VMP1: variants seen among roughly 807,000 people sequenced by gnomAD.
The protein encoded by VMP1 is vacuole membrane protein 1.
A neutral mutation model predicts 56.0 loss-of-function variants in VMP1; 11 were observed. The observed-to-expected ratio is 0.20, with a 90% confidence interval of 0.12 to 0.32. The LOEUF (loss-of-function observed/expected upper bound fraction) is 0.32, where lower values mean the gene tolerates loss of function less well. Among genes scored for constraint, VMP1 ranks in the 10% least tolerant of loss-of-function variants. VMP1 has a pLI of 1.00. For synonymous variants in VMP1, 149 were observed against 165.0 expected (o/e 0.90, Z 0.74); for missense variants, 296 against 490.3 (o/e 0.60, Z 3.74).
intron 4 of VMP1, 70 bp from the exon 5 acceptor site, chr17:59,738,767 G>T: frequency 2.7e-6 from 3 of 1,112,472 alleles, no homozygotes; most frequent in South Asian, 2.7e-5. Flanking sequence ...ATTTAATTTT[G>T]ATGATGGTTT....
At chr17:59,795,753 C>T (rs910387163) in intron 7 of VMP1, among the ~76,000 whole-genome samples, 1 of 152,080 alleles carries the variant, frequency 6.6e-6, no homozygotes, top group Admixed American at 6.6e-5. Context: ...ATCATAAGGT[C>T]TGATTGAGTA....
chr17:59,806,188 G>A (rs2037836648), intron 7 of VMP1, among the ~76,000 whole-genome samples: 1 of 152,022 alleles, frequency 6.6e-6, no homozygotes, highest in East Asian at 1.9e-4. Context: ...TTTTGCAGAA[G>A]GATAGGATTA....
intron 7 of VMP1, among the ~76,000 whole-genome samples, chr17:59,797,750 G>C (rs1757373324): frequency 6.6e-6 from 1 of 152,092 alleles, no homozygotes; most frequent in African/African-American, 2.4e-5. Flanking sequence ...GTGGTGGCAT[G>C]GGCCTGTAGT....
chr17:59,734,902 C>CTTTTTT (rs35072996), intron 2 of VMP1, among the ~76,000 whole-genome samples: 20 of 72,290 alleles, frequency 2.8e-4, no homozygotes, highest in Non-Finnish European at 3.2e-4. Flanking sequence ...GACTGGTTGC[C>CTTTTTT]TTTTTTTTTT....
At chr17:59,837,323 T>C (rs2039014503) in intron 10 of VMP1, among the ~76,000 whole-genome samples, 1 of 152,156 alleles carries the variant, frequency 6.6e-6, no homozygotes, top group Non-Finnish European at 1.5e-5. Flanking sequence ...AGTTTGAACT[T>C]ATTTACCTCC....
intron 2 of VMP1, among the ~76,000 whole-genome samples, chr17:59,733,550 A>T (rs2034912423): frequency 6.6e-6 from 1 of 151,868 alleles, no homozygotes; most frequent in Non-Finnish European, 1.5e-5. Context: ...ATACAAAAAA[A>T]AACTAGCCGG....
chr17:59,712,460 A>C (rs1328664234), intron 1 of VMP1, among the ~76,000 whole-genome samples: 2 of 152,206 alleles, frequency 1.3e-5, no homozygotes, highest in East Asian at 3.8e-4. Flanking sequence ...GATGTCTTTT[A>C]GCACTTTCTT....
intron 10 of VMP1, among the ~76,000 whole-genome samples, chr17:59,825,911 C>T (rs1276282770): frequency 2.0e-5 from 3 of 152,182 alleles, no homozygotes; most frequent in African/African-American, 4.8e-5. Context: ...GAATGAGCTA[C>T]GTGGGCCTGG....
At chr17:59,834,536 T>A (rs2038918476) in intron 10 of VMP1, among the ~76,000 whole-genome samples, 1 of 151,770 alleles carries the variant, frequency 6.6e-6, no homozygotes, top group Non-Finnish European at 1.5e-5. Context: ...CTAGGCTCAC[T>A]GCAACCACCA....
At chr17:59,833,709 ATC>A (rs1273051696) in intron 10 of VMP1, among the ~76,000 whole-genome samples, 2 of 152,316 alleles carry the variant, frequency 1.3e-5, no homozygotes, top group South Asian at 4.1e-4. Flanking sequence ...GCTAAAGTGT[ATC>A]TCTTTTTAAA....
chr17:59,713,263 A>AG (rs1178557917), intron 1 of VMP1, among the ~76,000 whole-genome samples: 1 of 147,602 alleles, frequency 6.8e-6, no homozygotes, highest in African/African-American at 2.5e-5. Flanking sequence ...GGTTGGGGGA[A>AG]GGAGGGAGGG....
intron 7 of VMP1, among the ~76,000 whole-genome samples, chr17:59,799,482 G>A (rs1314369647): frequency 6.6e-6 from 1 of 152,012 alleles, no homozygotes; most frequent in African/African-American, 2.4e-5. Context: ...TTTGCATTTT[G>A]TTATCCAACA....
chr17:59,813,964 T>C (rs1453297661), intron 9 of VMP1, among the ~76,000 whole-genome samples: 2 of 122,270 alleles, frequency 1.6e-5, no homozygotes, highest in Non-Finnish European at 3.4e-5. Flanking sequence ...TCAGATTTTT[T>C]CAATTTATGA....
chr17:59,821,864 A>T (rs571146777), intron 10 of VMP1, among the ~76,000 whole-genome samples: 1 of 142,312 alleles, frequency 7.0e-6, no homozygotes, highest in African/African-American at 2.6e-5. Flanking sequence ...TTTTTTTGAG[A>T]TGGAGTTTTG....
intron 5 of VMP1, among the ~76,000 whole-genome samples, chr17:59,745,902 G>A (rs1157283535): frequency 6.6e-6 from 1 of 152,138 alleles, no homozygotes; most frequent in African/African-American, 2.4e-5. Context: ...TCTCTTTACT[G>A]GAAATCGTAG....
intron 1 of VMP1, among the ~76,000 whole-genome samples, chr17:59,724,634 T>A (rs1213823098): frequency 3.9e-5 from 6 of 151,908 alleles, no homozygotes; most frequent in African/African-American, 1.5e-4. Flanking sequence ...ATTGTGCTAT[T>A]GCACGCCAGC....
At chr17:59,736,458 C>T (rs760768124) in intron 3 of VMP1, among the ~76,000 whole-genome samples, 1 of 148,892 alleles carries the variant, frequency 6.7e-6, no homozygotes, top group Non-Finnish European at 1.5e-5. Context: ...CCCAGCTACT[C>T]AGGAAAATCA....
chr17:59,764,279 G>A lies in VMP1; in HGVS notation c.415-692G>A, dbSNP rs142536526. 6.3e-4 allele frequency among the ~76,000 whole-genome samples: 96 copies of A among 152,250 alleles called. 1 individual carries two copies. In the East Asian group the frequency reaches 0.017, roughly 26 times the overall value. On this transcript the variant is annotated intron_variant, in intron 5 of 11. Coordinates refer to ENST00000262291, the MANE Select transcript of VMP1 (RefSeq NM_030938.5). ...AGTCAAGCAAGGAATTAGATCAGTGGTTGCCGGGGACTAGGACTTGAGGGA... is the reference window on the plus strand; with the variant it reads ...AGTCAAGCAAGGAATTAGATCAGTGATTGCCGGGGACTAGGACTTGAGGGA...
intron 7 of VMP1, among the ~76,000 whole-genome samples, chr17:59,788,096 A>C (rs1374534249): frequency 6.6e-6 from 1 of 152,228 alleles, no homozygotes; most frequent in Non-Finnish European, 1.5e-5. Context: ...ATGATTTTCA[A>C]ATGAAAATAC....
Sources: gnomAD v4.1 joint callset for allele counts (sites outside exome capture counted in the v4.1 genomes callset) on GRCh38, gnomAD v4.1.1 for gene constraint, MANE v1.5 for transcripts, NCBI Gene and HGNC (gene_info 2026-07-23, HGNC 2026-07-21) for gene names.